Variants in INO80 observed in about 807,000 individuals in gnomAD.
The protein encoded by INO80 is chromatin-remodeling ATPase INO80.
INO80 carries 20 observed loss-of-function variants against 203.4 expected under a neutral mutation model. The ratio of observed to expected loss-of-function variants is 0.10; its 90% confidence interval spans 0.07 to 0.14. INO80 has a LOEUF of 0.14. INO80 is among the 10% of genes least tolerant of loss of function. The pLI, the probability that INO80 is intolerant of heterozygous loss-of-function variation, is 1.00. For synonymous variants in INO80, 726 were observed against 685.2 expected (o/e 1.06, Z -0.93); for missense variants, 1,419 against 1,914.4 (o/e 0.74, Z 4.83).
At position 40,985,557 on chromosome 15, in the gene INO80, A is replaced by G. The variant is rs2043718852; in HGVS notation, c.3833-131T>C. The stretch of plus-strand genomic sequence containing the variant: ...CACTTCTATCTGTTTAAGGCAGATA[A>G]CCAGTGGTTTTCTAACTTGGATTCT... On this transcript the variant is annotated intron_variant, in intron 31 of 35. Coordinates refer to ENST00000648947, the MANE Select transcript of INO80 (RefSeq NM_017553.3). The G allele has an allele frequency of 3.7e-5, 26 of 710,910 alleles. No homozygotes were observed. In the South Asian group the frequency reaches 4.2e-4, roughly 11 times the overall value. The allele number at this position is 710,910 out of a possible 1,614,324, so 44.0% of individuals were successfully genotyped here. A position where few individuals can be genotyped will look rare whatever the true frequency, so the allele number is the denominator to read the frequency against.
chr15:40,992,797 T>TCTC (rs918729782), intron 29 of INO80, among the ~76,000 whole-genome samples: 2 of 152,200 alleles, frequency 1.3e-5, no homozygotes, highest in African/African-American at 4.8e-5. Context: ...TCAGAGCCTT[T>TCTC]CTCTTTTTTT....
chr15:41,077,608 C>A (rs1257143957), intron 9 of INO80, among the ~76,000 whole-genome samples: 1 of 152,154 alleles, frequency 6.6e-6, no homozygotes, highest in Non-Finnish European at 1.5e-5. Flanking sequence ...GTCACCCAGG[C>A]TGGAGGCAGT....
intron 29 of INO80, among the ~76,000 whole-genome samples, chr15:40,989,763 T>C (rs1188872947): frequency 6.6e-6 from 1 of 152,220 alleles, no homozygotes; most frequent in Non-Finnish European, 1.5e-5. Context: ...AATCAGGCCC[T>C]GCTATAGAGA....
chr15:41,076,261 T>C (rs1396952854), intron 9 of INO80, among the ~76,000 whole-genome samples: 1 of 151,940 alleles, frequency 6.6e-6, no homozygotes, highest in African/African-American at 2.4e-5. Context: ...CTTAGGAGGC[T>C]GAAGCAGGAG....
chr15:40,978,968 C>A lies in INO80; in HGVS notation c.*1255G>T, dbSNP rs1239270236. On this transcript the variant is annotated 3_prime_UTR_variant, in exon 36 of 36. Coordinates refer to ENST00000648947, the MANE Select transcript of INO80 (RefSeq NM_017553.3). ...ATGTGTCTCTCTTTATACATATGTA[C>A]AAGTTCAGTTATAAAAATAGCACAT... is the stretch of plus-strand genomic sequence containing the variant. 6.6e-6 allele frequency: 1 copy of A among 152,568 alleles called. No homozygotes were observed. Among genetic ancestry groups the A allele is most frequent in the Non-Finnish European group, 1.5e-5 (1 of 68,014 alleles). The allele number at this position is 152,568 out of a possible 1,614,324, so 9.5% of individuals were successfully genotyped here.
intron 24 of INO80, among the ~76,000 whole-genome samples, chr15:41,035,107 T>C (rs1037224935): frequency 6.6e-6 from 1 of 152,186 alleles, no homozygotes; most frequent in African/African-American, 2.4e-5. Context: ...AGCACAAGGA[T>C]AGAGTCCAAA....
At chr15:41,056,132 G>A (rs957837460) in intron 17 of INO80, among the ~76,000 whole-genome samples, 28 of 151,476 alleles carry the variant, frequency 1.8e-4, no homozygotes, top group African/African-American at 6.3e-4. Flanking sequence ...TTTTTGTAGC[G>A]TCCGGGTTTC....
intron 1 of INO80, among the ~76,000 whole-genome samples, chr15:41,110,739 T>C (rs1219001672): frequency 6.6e-6 from 1 of 152,214 alleles, no homozygotes; most frequent in Admixed American, 6.6e-5. Context: ...CTTGGTTTTT[T>C]ATTTTAACAG....
intron 4 of INO80, among the ~76,000 whole-genome samples, chr15:41,095,101 G>T (rs1362706395): frequency 6.6e-6 from 1 of 152,112 alleles, no homozygotes; most frequent in African/African-American, 2.4e-5. Context: ...CACTTTGGGA[G>T]GCTGAGGCAG....
At chr15:41,051,720 C>T (rs1217573374) in intron 19 of INO80, among the ~76,000 whole-genome samples, 1 of 151,962 alleles carries the variant, frequency 6.6e-6, no homozygotes, top group Non-Finnish European at 1.5e-5. Flanking sequence ...TTTGGGAGGC[C>T]GAGGTGGGTG....
intron 6 of INO80, 105 bp from the exon 7 acceptor site, chr15:41,085,688 C>T (rs1197796753): frequency 3.9e-6 from 3 of 775,438 alleles, no homozygotes; most frequent in South Asian, 3.4e-5. Context: ...CCACCTGACA[C>T]TGACAACACA....
chr15:41,012,935 A>T (rs2044153100), intron 27 of INO80: 1 of 152,240 alleles, frequency 6.6e-6, no homozygotes, highest in Non-Finnish European at 1.5e-5. Flanking sequence ...ACTTTAAAAA[A>T]TACTGTGCAA....
intron 29 of INO80, among the ~76,000 whole-genome samples, 198 bp downstream of exon 29, chr15:40,997,331 A>G (rs959362934): frequency 3.3e-5 from 5 of 152,202 alleles, no homozygotes; most frequent in Admixed American, 1.3e-4. Context: ...AAAGTCCATA[A>G]GGAAAGCTAA....
intron 14 of INO80, among the ~76,000 whole-genome samples, chr15:41,061,694 T>C (rs2045112758): frequency 6.6e-6 from 1 of 151,932 alleles, no homozygotes; most frequent in African/African-American, 2.4e-5. Context: ...AATTTGTTAA[T>C]GAAAAACAAG....
At chr15:41,088,556 C>T (rs2045593235) in intron 5 of INO80, among the ~76,000 whole-genome samples, 1 of 152,194 alleles carries the variant, frequency 6.6e-6, no homozygotes, top group Admixed American at 6.5e-5. Context: ...AGAATTCTAA[C>T]ATATGAATAA....
At chr15:41,070,986 T>C (rs1264344539) in intron 12 of INO80, among the ~76,000 whole-genome samples, 1 of 152,086 alleles carries the variant, frequency 6.6e-6, no homozygotes, top group Non-Finnish European at 1.5e-5. Flanking sequence ...CTGGGCAACA[T>C]GGAGACAGCC....
intron 7 of INO80, among the ~76,000 whole-genome samples, chr15:41,082,699 C>G (rs888079477): frequency 6.6e-6 from 1 of 151,670 alleles, no homozygotes; most frequent in African/African-American, 2.4e-5. Flanking sequence ...AGCGAAACTC[C>G]GTCTCAAAAA....
In INO80 at chr15:40,988,054, T is replaced by C. The variant is rs577399658; in HGVS notation, c.3571-80A>G. ...GAGAGCAACCCAGCCAATTGTCTGT[T>C]TGCGAGTTTGGCGTCAGTAGGGTCT... On this transcript the variant is annotated intron_variant, in intron 29 of 35. Coordinates refer to ENST00000648947, the MANE Select transcript of INO80 (RefSeq NM_017553.3). 4.4e-5 allele frequency: 57 copies of C among 1,282,344 alleles called. No individual in the cohort carries two copies. In the African/African-American group the frequency reaches 6.6e-4, roughly 15 times the overall value. The allele number at this position is 1,282,344 out of a possible 1,614,324, so 79.4% of individuals were successfully genotyped here.
intron 25 of INO80, among the ~76,000 whole-genome samples, chr15:41,027,086 G>C (rs2044386522): frequency 2.6e-5 from 4 of 152,252 alleles, no homozygotes; most frequent in South Asian, 4.1e-4. Context: ...GACAGTCCAA[G>C]TGAGGCTGCT....
Sources: gnomAD v4.1 joint callset for allele counts (sites outside exome capture counted in the v4.1 genomes callset) on GRCh38, gnomAD v4.1.1 for gene constraint, MANE v1.5 for transcripts, NCBI Gene and HGNC (gene_info 2026-07-23, HGNC 2026-07-21) for gene names.